MINDY4: variants seen among roughly 807,000 people sequenced by gnomAD.
MINDY4 encodes probable ubiquitin carboxyl-terminal hydrolase MINDY-4.
In MINDY4, 68 loss-of-function variants were observed where a neutral mutation model predicts 87.0. The observed-to-expected ratio is 0.78, with a 90% CI of 0.64 to 0.96. The LOEUF (loss-of-function observed/expected upper bound fraction) is 0.96, where lower values mean the gene tolerates loss of function less well. MINDY4 is among the 40% of genes least tolerant of loss of function. The pLI, the probability that MINDY4 is intolerant of heterozygous loss-of-function variation, is 0.00. For missense variants in MINDY4, 919 were observed against 928.2 expected (o/e 0.99, Z 0.13); for synonymous variants, 379 against 363.2 (o/e 1.04, Z -0.50).
At chr7:30,860,951 A>G (rs530070590) in intron 13 of MINDY4, among the ~76,000 whole-genome samples, 1 of 152,272 alleles carries the variant, frequency 6.6e-6, no homozygotes, top group African/African-American at 2.4e-5. Flanking sequence ...ATACACAAAG[A>G]CAAACATGGA....
chr7:30,822,764 C>A (rs1402011657), intron 5 of MINDY4, among the ~76,000 whole-genome samples: 2 of 151,760 alleles, frequency 1.3e-5, no homozygotes, highest in African/African-American at 4.8e-5. Context: ...GCCTCCCGAG[C>A]AGCTAGGACT....
At position 30,791,586 on chromosome 7, in the gene MINDY4, A is replaced by C; in HGVS notation, c.1073+12A>C. On this transcript the variant is annotated intron_variant, in intron 5 of 17. Coordinates refer to ENST00000265299, the MANE Select transcript of MINDY4 (RefSeq NM_032222.3). ...CCCGCACCTGTCAGGTGAGTGTGCT[A>C]TGCAAAGGTGACGGCTTTTCAAAAA... The C allele has an allele frequency of 6.3e-7, 1 of 1,590,442 alleles. No homozygotes were observed. Among genetic ancestry groups the C allele is most frequent in the African/African-American group, 1.4e-5 (1 of 74,022 alleles).
At chr7:30,854,136 T>C (rs937523738) in intron 12 of MINDY4, among the ~76,000 whole-genome samples, 12 of 152,144 alleles carry the variant, frequency 7.9e-5, no homozygotes, top group Non-Finnish European at 2.9e-5. Context: ...ACTCCAGGGG[T>C]AAAGAACACG....
intron 17 of MINDY4, among the ~76,000 whole-genome samples, chr7:30,885,702 G>GTCCCCCCCCCCC (rs1790610826): frequency 7.2e-6 from 1 of 138,018 alleles, no homozygotes; most frequent in African/African-American, 3.1e-5. Context: ...TAAGGGCAGT[G>GTCCCCCCCCCCC]CCCACCCCCC....
intron 5 of MINDY4, among the ~76,000 whole-genome samples, chr7:30,815,650 C>A (rs181113698): frequency 6.6e-6 from 1 of 152,318 alleles, no homozygotes; most frequent in Admixed American, 6.5e-5. Flanking sequence ...GTTCCAGAGA[C>A]ATGCTTCATA....
intron 1 of MINDY4, among the ~76,000 whole-genome samples, chr7:30,778,162 T>C (rs1312691030): frequency 2.0e-5 from 3 of 152,186 alleles, no homozygotes; most frequent in African/African-American, 4.8e-5. Context: ...TATACTATGG[T>C]TCCAAATGTA....
chr7:30,811,680 T>C (rs1788003968), intron 5 of MINDY4, among the ~76,000 whole-genome samples: 1 of 152,228 alleles, frequency 6.6e-6, no homozygotes, highest in Non-Finnish European at 1.5e-5. Flanking sequence ...TAATCAGTTA[T>C]GTTATGTATA....
At chr7:30,873,569 A>G (rs1790171403) in intron 14 of MINDY4, among the ~76,000 whole-genome samples, 1 of 152,116 alleles carries the variant, frequency 6.6e-6, no homozygotes, top group African/African-American at 2.4e-5. Context: ...AAGATTCTCA[A>G]TTTCTATCAG....
intron 5 of MINDY4, among the ~76,000 whole-genome samples, chr7:30,813,182 C>T (rs1788053191): frequency 6.6e-6 from 1 of 152,174 alleles, no homozygotes; most frequent in African/African-American, 2.4e-5. Flanking sequence ...AGAACCAGAG[C>T]CCTGTCAGAG....
intron 5 of MINDY4, among the ~76,000 whole-genome samples, chr7:30,810,174 CA>C (rs58498956): frequency 0.016 from 1,053 of 66,656 alleles, 10 homozygotes; most frequent in East Asian, 0.13. Context: ...GACTCTGTTT[CA>C]AAAAAAAAAA....
In MINDY4 at chr7:30,858,849, A is replaced by G. The variant is rs984192377; in HGVS notation, c.1678-408A>G. ...CAAGCTGTGTGGCCTTGAACTGGTCACTCAGTTTCTGAGCCTCAGTTCCAC... is the reference window on the plus strand; with the variant it reads ...CAAGCTGTGTGGCCTTGAACTGGTCGCTCAGTTTCTGAGCCTCAGTTCCAC... On this transcript the variant is annotated intron_variant, in intron 12 of 17. Coordinates refer to ENST00000265299, the MANE Select transcript of MINDY4 (RefSeq NM_032222.3). 1.0e-5 allele frequency: 4 copies of G among 386,168 alleles called. No homozygotes were observed. In the Admixed American group the frequency reaches 1.2e-4, roughly 12 times the overall value. 23.9% of individuals were successfully genotyped at this position (386,168 alleles called of 1,614,324 possible).
intron 12 of MINDY4, among the ~76,000 whole-genome samples, chr7:30,855,085 G>C (rs531375465): frequency 2.5e-4 from 38 of 152,360 alleles, no homozygotes; most frequent in African/African-American, 8.9e-4. Context: ...CTGATGCGGT[G>C]CATCCACCGC....
rs928251414 is a variant in MINDY4 at position 30,820,158 on chromosome 7, C to T, written c.1074-8521C>T. Among the ~76,000 whole-genome samples the T allele has an allele frequency of 4.9e-4, 74 of 152,086 alleles. 1 individual carries two copies. The highest frequency in any genetic ancestry group is 1.2e-3 in the Admixed American group (18 of 15,278). On this transcript the variant is annotated intron_variant, in intron 5 of 17. Transcript: ENST00000265299. Reference sequence around the variant, plus strand: ...CCTCGTGATCCGCCCGCCTCGGCCTCCCAAAGTGCTGGGATTACAGGCGTG... The same window carrying T: ...CCTCGTGATCCGCCCGCCTCGGCCTTCCAAAGTGCTGGGATTACAGGCGTG...
At chr7:30,788,751 C>A (rs1787231316) in intron 4 of MINDY4, among the ~76,000 whole-genome samples, 1 of 152,154 alleles carries the variant, frequency 6.6e-6, no homozygotes, top group South Asian at 2.1e-4. Flanking sequence ...CAAGTTCACT[C>A]GCAGCCTAGA....
At chr7:30,796,279 G>C (rs1787486742) in intron 5 of MINDY4, among the ~76,000 whole-genome samples, 1 of 152,070 alleles carries the variant, frequency 6.6e-6, no homozygotes. Flanking sequence ...TGTGGAAAAG[G>C]CAACAGGAAA....
chr7:30,771,607 A>T, intron 1 of MINDY4, 51 bp downstream of exon 1: 1 of 1,543,202 alleles, frequency 6.5e-7, no homozygotes. Flanking sequence ...ATTTGGGGGG[A>T]TCATCGGGGT....
intron 4 of MINDY4, among the ~76,000 whole-genome samples, chr7:30,789,465 C>G (rs989747743): frequency 2.0e-5 from 3 of 152,166 alleles, no homozygotes; most frequent in African/African-American, 4.8e-5. Flanking sequence ...GAGAAAAGCT[C>G]CAAAGATTGT....
chr7:30,833,695 C>T (rs1788774290), intron 6 of MINDY4, among the ~76,000 whole-genome samples: 1 of 152,214 alleles, frequency 6.6e-6, no homozygotes. Flanking sequence ...AAGGCAAGTC[C>T]CTTCCACCTA....
intron 17 of MINDY4, 138 bp from the exon 18 acceptor site, chr7:30,891,819 G>A: frequency 1.2e-6 from 1 of 807,710 alleles, no homozygotes; most frequent in East Asian, 2.4e-5. Context: ...ATTTGGAGGG[G>A]TGAGATGAGC....
Sources: gnomAD v4.1 joint callset for allele counts (sites outside exome capture counted in the v4.1 genomes callset) on GRCh38, gnomAD v4.1.1 for gene constraint, MANE v1.5 for transcripts, NCBI Gene and HGNC (gene_info 2026-07-23, HGNC 2026-07-21) for gene names.